Variants in CSMD1 observed in about 807,000 individuals in gnomAD.
CSMD1 encodes CUB and Sushi multiple domains 1, also known as CUB and sushi domain-containing protein 1.
A neutral mutation model predicts 417.5 loss-of-function variants in CSMD1; 213 were observed. That is an observed-to-expected ratio of 0.51 (90% CI 0.46 to 0.57). The LOEUF (loss-of-function observed/expected upper bound fraction) is 0.57, where lower values mean the gene tolerates loss of function less well. CSMD1 is among the 20% of genes least tolerant of loss of function. The pLI is 0.00. For missense variants in CSMD1, 6,923 were observed against 4,529.7 expected (o/e 1.53, Z -15.17); for synonymous variants, 2,862 against 1,736.8 (o/e 1.65, Z -16.11).
At position 4,117,917 on chromosome 8, in the gene CSMD1, A is replaced by T. The variant is rs184713120; in HGVS notation, c.416-85818T>A. Among the ~76,000 whole-genome samples the T allele has an allele frequency of 1.4e-3, 211 of 148,924 alleles. 5 individuals are homozygous for T. Among genetic ancestry groups the T allele is most frequent in the African/African-American group, 5.1e-3 (204 of 40,052 alleles). On this transcript the variant is annotated intron_variant, in intron 3 of 69. Transcript: ENST00000635120. ...GAAAGACATTTAAAACTAGAGAAAG[A>T]AATTTTCCTGGAAAAGTCAGGGCAA...
intron 10 of CSMD1, among the ~76,000 whole-genome samples, chr8:3,522,632 G>A (rs1797554552): frequency 6.6e-6 from 1 of 151,944 alleles, no homozygotes; most frequent in African/African-American, 2.4e-5. Context: ...ATGATCACAT[G>A]GCAGTACTTT....
intron 2 of CSMD1, among the ~76,000 whole-genome samples, chr8:4,524,107 A>T (rs932261797): frequency 6.6e-6 from 1 of 151,334 alleles, no homozygotes; most frequent in African/African-American, 2.4e-5. Context: ...CCAAGAAAAA[A>T]CTCCCCAGGC....
At chr8:4,868,862 G>T (rs1042875675) in intron 1 of CSMD1, among the ~76,000 whole-genome samples, 1 of 151,818 alleles carries the variant, frequency 6.6e-6, no homozygotes, top group Non-Finnish European at 1.5e-5. Context: ...AATTTCAGAT[G>T]ATTTTTGAGA....
At chr8:4,221,330 C>G (rs531192866) in intron 3 of CSMD1, among the ~76,000 whole-genome samples, 4 of 145,502 alleles carry the variant, frequency 2.7e-5, no homozygotes, top group Admixed American at 1.4e-4. Flanking sequence ...TTCTTGCTCA[C>G]AAAATGTTTC....
intron 1 of CSMD1, among the ~76,000 whole-genome samples, chr8:4,851,344 A>G (rs950821939): frequency 5.3e-4 from 81 of 151,456 alleles, no homozygotes; most frequent in African/African-American, 1.9e-3. Context: ...CCCCCTTTTT[A>G]AGCTCCTTCT....
chr8:4,088,276 C>G lies in CSMD1; in HGVS notation c.416-56177G>C, dbSNP rs1800526212. 2.0e-5 allele frequency among the ~76,000 whole-genome samples: 3 copies of G among 152,198 alleles called. No homozygotes were observed. In the South Asian group the frequency reaches 6.2e-4, roughly 32 times the overall value. On this transcript the variant is annotated intron_variant, in intron 3 of 69. Transcript: ENST00000635120. ...ATTTGCGAGTCGTGTTCCCACTTCT[C>G]AATTGCATGGCCATTGAATACAGCC...
intron 1 of CSMD1, among the ~76,000 whole-genome samples, chr8:4,661,172 A>G (rs1486259634): frequency 1.3e-5 from 2 of 152,204 alleles, no homozygotes; most frequent in Admixed American, 6.5e-5. Context: ...ATGAAATTTT[A>G]TAGCAGCGTT....
intron 7 of CSMD1, among the ~76,000 whole-genome samples, chr8:3,624,854 A>T (rs1030533436): frequency 6.6e-6 from 1 of 152,194 alleles, no homozygotes; most frequent in African/African-American, 2.4e-5. Context: ...TAATAGCTCT[A>T]TTTTAATAAA....
chr8:4,062,297 T>C (rs1329423847), intron 3 of CSMD1, among the ~76,000 whole-genome samples: 1 of 152,096 alleles, frequency 6.6e-6, no homozygotes, highest in Non-Finnish European at 1.5e-5. Flanking sequence ...GAATAGAGCA[T>C]GTCAACTGGG....
Position 3,181,135 on chromosome 8 carries a change from A to G in CSMD1, c.5700T>C (p.Ala1900=). 1 of 1,613,710 alleles carries G rather than the reference A, an allele frequency of 6.2e-7. No homozygotes were observed. Among genetic ancestry groups the G allele is most frequent in the Admixed American group, 1.7e-5 (1 of 60,028 alleles). The change falls in exon 37 of 70, where the codon GCT becomes GCC. Residue 1900 remains alanine (A), a synonymous_variant. Coordinates refer to ENST00000635120, the MANE Select transcript of CSMD1 (RefSeq NM_033225.6). ...TTTTGTATTCCAGGTGGAAACCAGC[A>G]GCTGCCACACTAATGTCAGACTGGA... The part of the protein sequence containing the change: ...LHFQSDISVA[A]AGFHLEYKTV...
chr8:3,033,603 G>C (rs181525905), intron 50 of CSMD1, among the ~76,000 whole-genome samples: 51 of 151,794 alleles, frequency 3.4e-4, no homozygotes, highest in African/African-American at 1.2e-3. Flanking sequence ...CTGTCGGGAG[G>C]TAAGGGACAA....
At chr8:3,765,944 G>A (rs569914161) in intron 5 of CSMD1, among the ~76,000 whole-genome samples, 10 of 152,216 alleles carry the variant, frequency 6.6e-5, no homozygotes, top group African/African-American at 2.2e-4. Flanking sequence ...AAAATGGCCT[G>A]GATGCCAGCA....
intron 2 of CSMD1, among the ~76,000 whole-genome samples, chr8:4,606,871 A>G (rs1181172343): frequency 3.3e-5 from 5 of 152,230 alleles, no homozygotes; most frequent in African/African-American, 7.2e-5. Flanking sequence ...AATCACAAAA[A>G]TAACTCAAAC....
intron 3 of CSMD1, among the ~76,000 whole-genome samples, chr8:4,186,859 G>A (rs1450203242): frequency 2.6e-5 from 4 of 151,322 alleles, no homozygotes; most frequent in African/African-American, 9.7e-5. Context: ...AGCCGGGCGT[G>A]GTGTTGAGTG....
chr8:4,051,169 C>G (rs1798404299), intron 3 of CSMD1, among the ~76,000 whole-genome samples: 1 of 151,084 alleles, frequency 6.6e-6, no homozygotes, highest in South Asian at 2.1e-4. Context: ...GCAGAAATGG[C>G]AGCACAATCC....
At chr8:3,754,538 T>C (rs1489074524) in intron 5 of CSMD1, among the ~76,000 whole-genome samples, 2 of 152,116 alleles carry the variant, frequency 1.3e-5, no homozygotes, top group African/African-American at 2.4e-5. Context: ...CACTGCAAGC[T>C]CCGCCTCCTG....
chr8:4,838,875 T>A (rs1167941213), intron 1 of CSMD1, among the ~76,000 whole-genome samples: 1 of 152,216 alleles, frequency 6.6e-6, no homozygotes, highest in African/African-American at 2.4e-5. Flanking sequence ...AGTAGCAATC[T>A]TTTGTTCTAC....
intron 43 of CSMD1, among the ~76,000 whole-genome samples, chr8:3,109,016 G>T (rs1407981653): frequency 2.0e-5 from 3 of 152,178 alleles, no homozygotes; most frequent in Non-Finnish European, 4.4e-5. Context: ...TGTCATCCCA[G>T]CACTTTGGGA....
rs181791062 is a variant in CSMD1, at chr8:3,464,497, C to A, written c.1561+4215G>T. On this transcript the variant is annotated intron_variant, in intron 12 of 69. Coordinates refer to ENST00000635120, the MANE Select transcript of CSMD1 (RefSeq NM_033225.6). ...AATATAAAATGGAGAAACTATGCCC[C>A]GGACTCACATTATCTTTTCTTATAT... is the stretch of plus-strand genomic sequence containing the variant. 4.0e-5 allele frequency among the ~76,000 whole-genome samples: 6 copies of A among 151,378 alleles called. No individual in the cohort carries two copies. In the East Asian group the frequency reaches 9.7e-4, roughly 24 times the overall value.
Sources: gnomAD v4.1 joint callset for allele counts (sites outside exome capture counted in the v4.1 genomes callset) on GRCh38, gnomAD v4.1.1 for gene constraint, MANE v1.5 for transcripts, NCBI Gene and HGNC (gene_info 2026-07-23, HGNC 2026-07-21) for gene names.